RPL3L: variants seen among roughly 807,000 people sequenced by gnomAD.
The protein encoded by RPL3L is ribosomal protein L3 like.
Under a neutral mutation model 44.5 loss-of-function variants are expected in RPL3L, and 44 were observed. The observed-to-expected ratio is 0.99, with a 90% CI of 0.78 to 1.27. The LOEUF is 1.27. Among genes scored for constraint, RPL3L ranks in the 50% most tolerant of loss-of-function variants. The probability of loss-of-function intolerance (pLI) is 0.00; values close to 1 mark genes in which losing one functional copy is unlikely to be tolerated. For missense variants in RPL3L, 631 were observed against 569.1 expected, an observed-to-expected ratio of 1.11 and a Z score of -1.11; for synonymous variants, 292 against 230.7, an observed-to-expected ratio of 1.27 and a Z score of -2.41.
rs138672485 is a variant in RPL3L at position 1,946,738 on chromosome 16, G to A, written c.850-12C>T. The A allele has an allele frequency of 1.5e-4, 244 of 1,611,752 alleles. 3 individuals carry two copies. The East Asian group carries it at 5.3e-3, about 35-fold the overall frequency. On this transcript the variant is annotated splice_polypyrimidine_tract_variant and intron_variant, in intron 6 of 9. Coordinates refer to ENST00000268661, the MANE Select transcript of RPL3L (RefSeq NM_005061.3). ...CCGATGCGGAAGATCTGCCAGAAGG[G>A]GGCACATGCCAGGGGCAGGAAGTGG...
In RPL3L at chr16:1,946,938, C is replaced by A. The variant is rs2083125817; in HGVS notation, c.849G>T (p.Lys283Asn). The change falls in exon 6 of 10, where the codon AAG (lysine) becomes AAT (asparagine). Residue 283 changes from lysine (K) to asparagine (N), a missense_variant and splice_region_variant. Physicochemically the swap from Lys to Asn is moderately conservative, Grantham distance 94 (BLOSUM62 0). Coordinates refer to ENST00000268661, the MANE Select transcript of RPL3L (RefSeq NM_005061.3). ...CCCCGTACCCCGGCTGAGGACGCAC[C>A]TTCTTGTTGAGCTCCGTGCGGTGGT... ...GYHHRTELNK[K>N]IFRIGRGPHM... The A allele has an allele frequency of 1.9e-6, 3 of 1,597,796 alleles. No individual in the cohort carries two copies. The South Asian group carries it at 3.3e-5, about 18-fold the overall frequency.
chr16:1,944,542 T>G lies in RPL3L; in HGVS notation c.*295A>C, dbSNP rs1597023579. The G allele has an allele frequency of 4.7e-6, 1 of 214,388 alleles. No homozygotes were observed. The highest frequency in any genetic ancestry group is 6.4e-5 in the South Asian group (1 of 15,518). 13.3% of individuals were successfully genotyped at this position (214,388 alleles called of 1,614,324 possible). A position where few individuals can be genotyped will look rare whatever the true frequency, so the allele number is the denominator to read the frequency against. On this transcript the variant is annotated 3_prime_UTR_variant, in exon 10 of 10. Coordinates refer to ENST00000268661, the MANE Select transcript of RPL3L (RefSeq NM_005061.3). ...CCTGGGCGACAAGATCAAGACTCTC[T>G]CAAAAAAAAAAAAAAAAAAAACCTC... is the stretch of plus-strand genomic sequence containing the variant.
At chr16:1,947,667 GTT>G (rs2083134413) in intron 4 of RPL3L, among the ~76,000 whole-genome samples, 1 of 152,202 alleles carries the variant, frequency 6.6e-6, no homozygotes, top group African/African-American at 2.4e-5. Context: ...GGGGGCTGGT[GTT>G]TCAGATACAG....
chr16:1,947,572 C>G (rs1049579960), intron 4 of RPL3L, among the ~76,000 whole-genome samples, 192 bp from the exon 5 acceptor site: 3 of 152,202 alleles, frequency 2.0e-5, no homozygotes, highest in African/African-American at 7.2e-5. Flanking sequence ...AGACAGAGTC[C>G]CACACCTCGG....
chr16:1,953,093 G>A (rs751017577), intron 2 of RPL3L, 51 bp from the exon 3 acceptor site: 8 of 1,537,856 alleles, frequency 5.2e-6, no homozygotes, highest in Non-Finnish European at 7.0e-6. Flanking sequence ...TGAGGCCTGT[G>A]GGGGAGGGAG....
chr16:1,954,539 C>A (rs2083194005), intron 1 of RPL3L, 90 bp downstream of exon 1: 1 of 1,388,090 alleles, frequency 7.2e-7, no homozygotes. Context: ...GGAGACTGTC[C>A]CTCTGAGGGA....
rs1349380455 is a variant in RPL3L, at chr16:1,947,114, G to A, written c.689-16C>T. On this transcript the variant is annotated splice_polypyrimidine_tract_variant and intron_variant, in intron 5 of 9. Transcript: ENST00000268661. ...CTTGTGACCCCTGTGAGTGAGAGGG[G>A]CTGGTGGCTGAGAGGCCAGGCTGGT... The A allele has an allele frequency of 5.0e-6, 8 of 1,613,302 alleles. No individual in the cohort carries two copies. Among genetic ancestry groups the A allele is most frequent in the Non-Finnish European group, 6.8e-6 (8 of 1,179,952 alleles).
chr16:1,945,878 C>T lies in RPL3L; in HGVS notation c.1004G>A (p.Gly335Asp). 1.9e-6 allele frequency: 3 copies of T among 1,613,914 alleles called. No individual in the cohort carries two copies. The highest frequency in any genetic ancestry group is 2.5e-6 in the Non-Finnish European group (3 of 1,179,966). The change falls in exon 8 of 10, where the codon GGT (glycine) becomes GAT (aspartate). Residue 335 changes from glycine to aspartate, a missense_variant. Transcript: ENST00000268661. ...EVNNDFVMLK[G>D]CIAGTKKRVI... ...CCGCTTCTTGGTACCAGCAATACAA[C>T]CCTTCAGCATGACGAAGTCGTTGTT...
Position 1,947,052 on chromosome 16 carries a change from A to G in RPL3L, c.735T>C (p.His245=). ...WHTKKLPRKT[H]KGLRKVACIG... Reference sequence around the variant, plus strand: ...TGCAGGCCACCTTGCGCAGGCCCTTATGGGTCTTCCGCGGCAGCTTCTTGG... The same window carrying G: ...TGCAGGCCACCTTGCGCAGGCCCTTGTGGGTCTTCCGCGGCAGCTTCTTGG... Residue 245 remains histidine (H), a synonymous_variant, in exon 6 of 10, where the codon CAT becomes CAC. Transcript: ENST00000268661. 1 of 1,613,358 alleles carries G rather than the reference A, an allele frequency of 6.2e-7. No individual in the cohort carries two copies. Among genetic ancestry groups the G allele is most frequent in the Non-Finnish European group, 8.5e-7 (1 of 1,179,938 alleles).
At position 1,954,083 on chromosome 16, in the gene RPL3L, G is replaced by T. The variant is rs768852529; in HGVS notation, c.69C>A (p.His23Gln). The change falls in exon 2 of 10, where the codon CAC becomes CAA. Residue 23 changes from histidine (H) to glutamine (Q), a missense_variant. By Grantham distance (24) the His-to-Gln change is conservative. Coordinates refer to ENST00000268661, the MANE Select transcript of RPL3L (RefSeq NM_005061.3). Reference protein sequence around the residue: ...HLGFLPHKRSHRHRGKVKTWP... With the variant: ...HLGFLPHKRSQRHRGKVKTWP... Reference sequence around the variant, plus strand: ...ACGTCTTCACCTTGCCCCGGTGCCGGTGGCTCCTCTTATGGGGCAGGAAGC... The same window carrying T: ...ACGTCTTCACCTTGCCCCGGTGCCGTTGGCTCCTCTTATGGGGCAGGAAGC... 3 of 1,604,246 alleles carry T rather than the reference G, an allele frequency of 1.9e-6. No individual in the cohort carries two copies. The highest frequency in any genetic ancestry group is 2.2e-5 in the South Asian group (2 of 89,232).
chr16:1,946,829 C>A, intron 6 of RPL3L, 103 bp from the exon 7 acceptor site: 1 of 1,566,476 alleles, frequency 6.4e-7, no homozygotes, highest in East Asian at 2.3e-5. Context: ...CTGGTGGGGG[C>A]ATCTTGTGTC....
chr16:1,944,299 T>C lies in RPL3L; in HGVS notation c.*538A>G, dbSNP rs2083103460. 6.4e-6 allele frequency: 1 copy of C among 155,298 alleles called. No individual in the cohort carries two copies. The highest frequency in any genetic ancestry group is 1.4e-5 in the Non-Finnish European group (1 of 69,814). 9.6% of individuals were successfully genotyped at this position (155,298 alleles called of 1,614,324 possible). Reference sequence around the variant, plus strand: ...CTGCCCCTAAGATCAGTGCTTGAGATATTTTGCCGACCCTGCAACTTGATG... The same window carrying C: ...CTGCCCCTAAGATCAGTGCTTGAGACATTTTGCCGACCCTGCAACTTGATG... On this transcript the variant is annotated 3_prime_UTR_variant, in exon 10 of 10. Transcript: ENST00000268661.
chr16:1,944,983 G>A, intron 9 of RPL3L, 90 bp from the exon 10 acceptor site: 3 of 1,510,344 alleles, frequency 2.0e-6, no homozygotes, highest in Non-Finnish European at 2.7e-6. Flanking sequence ...CTCAGGGCCG[G>A]CCCTACTGCC....
At chr16:1,949,929 A>G (rs1335046750) in intron 4 of RPL3L, among the ~76,000 whole-genome samples, 143 of 13,960 alleles carry the variant, frequency 0.01, no homozygotes, top group Admixed American at 0.015. Flanking sequence ...CAGGTATGTA[A>G]GGGGCAGGTA....
chr16:1,946,781 C>G, intron 6 of RPL3L, 55 bp from the exon 7 acceptor site: 1 of 1,595,986 alleles, frequency 6.3e-7, no homozygotes, highest in Non-Finnish European at 8.5e-7. Flanking sequence ...GGCCAGCAGC[C>G]CATCCAGGCC....
At chr16:1,948,493 A>C (rs964541686) in intron 4 of RPL3L, among the ~76,000 whole-genome samples, 2 of 151,790 alleles carry the variant, frequency 1.3e-5, no homozygotes, top group African/African-American at 4.8e-5. Context: ...CCAAAGTGCT[A>C]GGGTTCAGGC....
At position 1,954,667 on chromosome 16, in the gene RPL3L, C is replaced by G. The variant is rs766973340; in HGVS notation, c.-36G>C. ...CCCTGAAGGTCAGGAAGGGGCCTCG[C>G]CGCTAGCCGCCAGAGGTCGAGTGGC... On this transcript the variant is annotated 5_prime_UTR_variant, in exon 1 of 10. Transcript: ENST00000268661. 6.6e-7 allele frequency: 1 copy of G among 1,517,654 alleles called. No individual in the cohort carries two copies. Among genetic ancestry groups the G allele is most frequent in the Admixed American group, 2.1e-5 (1 of 48,378 alleles). The allele number at this position is 1,517,654 out of a possible 1,614,324, so 94.0% of individuals were successfully genotyped here.
chr16:1,954,156 G>T lies in RPL3L; in HGVS notation c.4-8C>A, dbSNP rs1384451189. 6.4e-7 allele frequency: 1 copy of T among 1,565,318 alleles called. No individual in the cohort carries two copies. The stretch of plus-strand genomic sequence containing the variant: ...GGAAAACTTCCGGTGGGACTGGGGG[G>T]CAGGAAGGAAGGAGGTCAGACCTGG... On this transcript the variant is annotated splice_region_variant and splice_polypyrimidine_tract_variant and intron_variant, in intron 1 of 9. Coordinates refer to ENST00000268661, the MANE Select transcript of RPL3L (RefSeq NM_005061.3).
rs762393976 is a variant in RPL3L at position 1,945,544 on chromosome 16, G to T, written c.1122C>A (p.Phe374Leu). Residue 374 changes from phenylalanine (F) to leucine (L), a missense_variant, in exon 9 of 10, where the codon TTC becomes TTA. By Grantham distance (22) the Phe-to-Leu change is conservative. Transcript: ENST00000268661. ...GGGCTGTCTGGAAGCGGCCATGGCC[G>T]AACTTGGAGGTGGTGTCAATGAACT... ...ELKFIDTTSK[F>L]GHGRFQTAQE... The T allele has an allele frequency of 6.2e-7, 1 of 1,613,664 alleles. No individual in the cohort carries two copies. The highest frequency in any genetic ancestry group is 8.5e-7 in the Non-Finnish European group (1 of 1,179,898).
Sources: gnomAD v4.1 joint callset for allele counts (sites outside exome capture counted in the v4.1 genomes callset) on GRCh38, gnomAD v4.1.1 for gene constraint, MANE v1.5 for transcripts, NCBI Gene and HGNC (gene_info 2026-07-23, HGNC 2026-07-21) for gene names.